ERC2: variants seen among roughly 807,000 people sequenced by gnomAD.
The protein encoded by ERC2 is ELKS/RAB6-interacting/CAST family member 2.
ERC2 carries 42 observed loss-of-function variants against 114.8 expected under a neutral mutation model. The observed-to-expected ratio is 0.37, with a 90% confidence interval of 0.29 to 0.47. The LOEUF is 0.47. Among genes scored for constraint, ERC2 ranks in the 20% least tolerant of loss-of-function variants. ERC2 has a pLI of 0.99. For synonymous variants in ERC2, 454 were observed against 425.5 expected, an observed-to-expected ratio of 1.07 and a Z score of -0.82; for missense variants, 939 against 1,150.7, an observed-to-expected ratio of 0.82 and a Z score of 2.66.
intron 1 of ERC2, among the ~76,000 whole-genome samples, chr3:56,464,645 T>G (rs1305756598): frequency 6.6e-6 from 1 of 152,256 alleles, no homozygotes; most frequent in Non-Finnish European, 1.5e-5. Flanking sequence ...CCATGTTTTG[T>G]ACATCCAGTG....
chr3:55,968,496 G>A (rs2068915528), intron 12 of ERC2, among the ~76,000 whole-genome samples: 1 of 152,130 alleles, frequency 6.6e-6, no homozygotes, highest in Non-Finnish European at 1.5e-5. Flanking sequence ...CCCACAAGCT[G>A]CAATGACTAA....
chr3:55,782,676 T>A (rs555523075), intron 14 of ERC2, among the ~76,000 whole-genome samples: 32 of 152,286 alleles, frequency 2.1e-4, no homozygotes, highest in African/African-American at 7.7e-4. Flanking sequence ...GCAAAGATCG[T>A]ATCACTACCA....
chr3:55,608,367 A>G (rs2058735502), intron 17 of ERC2, among the ~76,000 whole-genome samples: 1 of 152,220 alleles, frequency 6.6e-6, no homozygotes, highest in Non-Finnish European at 1.5e-5. Flanking sequence ...GTTTTTTACA[A>G]TAAAAATATC....
At chr3:56,261,158 C>T (rs1017035669) in intron 3 of ERC2, among the ~76,000 whole-genome samples, 1 of 152,206 alleles carries the variant, frequency 6.6e-6, no homozygotes, top group Non-Finnish European at 1.5e-5. Flanking sequence ...CTCTCTTTCC[C>T]AACCCTCTTC....
In ERC2 at chr3:55,508,747, A is replaced by G. The variant is rs1385579436; in HGVS notation, c.*2569T>C. 6.6e-6 allele frequency: 1 copy of G among 152,612 alleles called. No homozygotes were observed. Among genetic ancestry groups the G allele is most frequent in the East Asian group, 1.9e-4 (1 of 5,198 alleles). 9.5% of individuals were successfully genotyped at this position (152,612 alleles called of 1,614,324 possible). On this transcript the variant is annotated 3_prime_UTR_variant, in exon 18 of 18. Coordinates refer to ENST00000288221, the MANE Select transcript of ERC2 (RefSeq NM_015576.3). The stretch of plus-strand genomic sequence containing the variant: ...GAAACCCACTTTCAAATGAAAGTTG[A>G]CACGCTGTTAACGTGCATACTGGAT...
At chr3:56,464,368 G>A (rs1270585060) in intron 1 of ERC2, among the ~76,000 whole-genome samples, 1 of 152,178 alleles carries the variant, frequency 6.6e-6, no homozygotes, top group Non-Finnish European at 1.5e-5. Context: ...TTCAGCCTGG[G>A]CCCCAGGACA....
chr3:56,325,846 G>A (rs1400786669), intron 2 of ERC2, among the ~76,000 whole-genome samples: 1 of 152,170 alleles, frequency 6.6e-6, no homozygotes, highest in African/African-American at 2.4e-5. Context: ...ACTTGCTCAA[G>A]GTCACAGCAA....
intron 14 of ERC2, among the ~76,000 whole-genome samples, chr3:55,772,520 G>A (rs912744528): frequency 3.3e-5 from 5 of 152,204 alleles, no homozygotes; most frequent in African/African-American, 1.2e-4. Context: ...GTTTCACCGC[G>A]TTAGCCAGGA....
chr3:55,517,741 C>T (rs907780924), intron 17 of ERC2, among the ~76,000 whole-genome samples: 4 of 152,182 alleles, frequency 2.6e-5, no homozygotes, highest in African/African-American at 4.8e-5. Context: ...CTCTGGCCAC[C>T]GGCCAGCCCC....
chr3:56,296,431 A>G lies in ERC2; in HGVS notation c.662T>C (p.Leu221Pro), dbSNP rs1201717518. The change falls in exon 3 of 18, where the codon CTA (leucine) becomes CCA (proline). Residue 221 changes from leucine (L) to proline (P), a missense_variant. By Grantham distance (98) the Leu-to-Pro change is moderately conservative (BLOSUM62 -3). Transcript: ENST00000288221. ...MRVSHEENQH[L>P]QLTIQALQDE... is the part of the protein sequence containing the mutation. The stretch of plus-strand genomic sequence containing the variant: ...TTGAAGGGCCTGGATTGTCAACTGT[A>G]GGTGCTGCAATGAGAAAGATGGAGC... 3 of 1,602,378 alleles carry G rather than the reference A, an allele frequency of 1.9e-6. No individual in the cohort carries two copies.
intron 14 of ERC2, among the ~76,000 whole-genome samples, chr3:55,775,293 A>G (rs1454472207): frequency 6.6e-6 from 1 of 152,120 alleles, no homozygotes; most frequent in Non-Finnish European, 1.5e-5. Flanking sequence ...GCATTTTGTA[A>G]GGCCTAGGCG....
At chr3:56,274,028 G>C (rs1347822608) in intron 3 of ERC2, among the ~76,000 whole-genome samples, 2 of 152,136 alleles carry the variant, frequency 1.3e-5, no homozygotes, top group Non-Finnish European at 2.9e-5. Context: ...TGAGGAATTG[G>C]TTACAGCAGG....
At chr3:55,640,341 T>G (rs530121539) in intron 17 of ERC2, among the ~76,000 whole-genome samples, 1 of 152,314 alleles carries the variant, frequency 6.6e-6, no homozygotes, top group African/African-American at 2.4e-5. Flanking sequence ...CATATATTAT[T>G]GCCTTCTCTG....
chr3:56,124,323 T>A (rs1438686495), intron 6 of ERC2, among the ~76,000 whole-genome samples: 2 of 152,212 alleles, frequency 1.3e-5, no homozygotes, highest in East Asian at 3.9e-4. Context: ...AATAAGAACA[T>A]AAGAAATATT....
intron 17 of ERC2, among the ~76,000 whole-genome samples, chr3:55,639,510 C>T (rs1469852685): frequency 6.6e-6 from 1 of 152,048 alleles, no homozygotes; most frequent in African/African-American, 2.4e-5. Context: ...GTCTGGGACA[C>T]ACTGTCTGGC....
chr3:56,429,674 T>C (rs974383873), intron 2 of ERC2, among the ~76,000 whole-genome samples: 5 of 152,232 alleles, frequency 3.3e-5, no homozygotes, highest in Non-Finnish European at 7.3e-5. Context: ...TTTATATTCA[T>C]GTAGAGCCGC....
At chr3:56,192,211 T>A (rs2047833958) in intron 3 of ERC2, among the ~76,000 whole-genome samples, 1 of 152,154 alleles carries the variant, frequency 6.6e-6, no homozygotes, top group Admixed American at 6.5e-5. Flanking sequence ...TTGGGCAGAA[T>A]GTGGCACTCT....
At chr3:55,596,142 A>T (rs957161881) in intron 17 of ERC2, among the ~76,000 whole-genome samples, 1 of 152,252 alleles carries the variant, frequency 6.6e-6, no homozygotes, top group African/African-American at 2.4e-5. Context: ...AAGAAAGCAC[A>T]GTCAATTCAA....
At chr3:55,889,950 TC>T in intron 13 of ERC2, among the ~76,000 whole-genome samples, 1 of 152,310 alleles carries the variant, frequency 6.6e-6, no homozygotes, top group East Asian at 1.9e-4. Flanking sequence ...AGAAAACCCT[TC>T]ATTTTGCCCT....
Sources: allele counts gnomAD v4.1 joint callset (sites outside exome capture counted in the v4.1 genomes callset), GRCh38; gene constraint gnomAD v4.1.1; transcripts MANE v1.5; gene names NCBI Gene and HGNC (gene_info 2026-07-23, HGNC 2026-07-21).